The following KIAA1671 variants were observed in gnomAD, a reference collection of about 807,000 sequenced individuals.
KIAA1671 encodes the protein KIAA1671.
Under a neutral mutation model 131.2 loss-of-function variants are expected in KIAA1671, and 52 were observed. The observed-to-expected ratio is 0.40, with a 90% CI of 0.32 to 0.50. The LOEUF (loss-of-function observed/expected upper bound fraction) is 0.50. Among genes scored for constraint, KIAA1671 ranks in the 20% least tolerant of loss-of-function variants. The pLI, the probability that KIAA1671 is intolerant of heterozygous loss-of-function variation, is 0.73. For synonymous variants in KIAA1671, 1,003 were observed against 961.6 expected (o/e 1.04, Z -0.80); for missense variants, 2,360 against 2,364.2 (o/e 1.00, Z 0.04).
rs1926049795 is a variant in KIAA1671 at position 25,028,082 on chromosome 22, T to C, written c.83T>C (p.Leu28Pro). ...GLGEMGKEETLTRTYFLQAGE... is the reference protein window; with the variant it reads ...GLGEMGKEETPTRTYFLQAGE... ...GGTGAGATGGGCAAGGAGGAGACCC[T>C]GACGAGGACCTACTTCCTCCAGGCC... Residue 28 changes from leucine to proline, a missense_variant, in exon 3 of 13, where the codon CTG becomes CCG. Leu to Pro is a moderately conservative substitution (Grantham distance 98). Around this residue, in one of 3 missense-constraint regions of KIAA1671, gnomAD observed 1,185 missense variants for 1,126.2 expected, o/e 1.05. Transcript: ENST00000358431. 5.2e-6 allele frequency: 8 copies of C among 1,550,874 alleles called. No individual in the cohort carries two copies. The highest frequency in any genetic ancestry group is 2.0e-5 in the Admixed American group (1 of 50,884).
intron 6 of KIAA1671, chr22:25,055,803 G>A (rs994543708): frequency 8.9e-6 from 1 of 112,482 alleles, no homozygotes; most frequent in Non-Finnish European, 1.9e-5. Flanking sequence ...GATATAGATA[G>A]ATATAGATAT....
chr22:25,084,247 C>T (rs983896571), intron 6 of KIAA1671, among the ~76,000 whole-genome samples: 15 of 152,028 alleles, frequency 9.9e-5, no homozygotes, highest in African/African-American at 1.2e-4. Flanking sequence ...GAGGCCGAGG[C>T]GGGCGGATCA....
At chr22:25,142,754 C>T (rs577373057) in intron 6 of KIAA1671, among the ~76,000 whole-genome samples, 4 of 152,176 alleles carry the variant, frequency 2.6e-5, no homozygotes, top group African/African-American at 4.8e-5. Context: ...CTTCTGTAGT[C>T]GCTACTTGGG....
chr22:24,961,885 G>C (rs1466189069), intron 1 of KIAA1671, among the ~76,000 whole-genome samples: 1 of 152,184 alleles, frequency 6.6e-6, no homozygotes, highest in African/African-American at 2.4e-5. Flanking sequence ...GATTTGTGTG[G>C]GACAAGTGGT....
intron 6 of KIAA1671, among the ~76,000 whole-genome samples, chr22:25,065,641 A>G (rs750610651): frequency 4.9e-4 from 74 of 151,000 alleles, no homozygotes; most frequent in Admixed American, 1.2e-3. Flanking sequence ...TATTATTATT[A>G]TTATTATTTT....
intron 6 of KIAA1671, among the ~76,000 whole-genome samples, chr22:25,169,286 G>T (rs1300983944): frequency 6.6e-6 from 1 of 152,012 alleles, no homozygotes; most frequent in Non-Finnish European, 1.5e-5. Context: ...GGGTGTGGTA[G>T]TGTATACCTA....
intron 1 of KIAA1671, chr22:25,009,819 T>C (rs1569205121): frequency 6.6e-6 from 1 of 152,252 alleles, no homozygotes; most frequent in Non-Finnish European, 1.5e-5. Flanking sequence ...CCTGACCTTG[T>C]GATCCGCCCT....
intron 1 of KIAA1671, among the ~76,000 whole-genome samples, chr22:25,019,687 A>G (rs1381261086): frequency 1.7e-4 from 24 of 143,946 alleles, no homozygotes; most frequent in African/African-American, 5.9e-4. Flanking sequence ...TTGAATACAA[A>G]AAAAAAAAAA....
chr22:25,149,842 C>T (rs1488020940), intron 6 of KIAA1671, among the ~76,000 whole-genome samples: 1 of 152,176 alleles, frequency 6.6e-6, no homozygotes, highest in Admixed American at 6.5e-5. Flanking sequence ...GCCCTAACTG[C>T]TCTTTCCCTT....
At chr22:25,033,283 T>A (rs1926390544) in intron 4 of KIAA1671, among the ~76,000 whole-genome samples, 1 of 151,972 alleles carries the variant, frequency 6.6e-6, no homozygotes, top group Non-Finnish European at 1.5e-5. Context: ...ATAGTTCTAG[T>A]TAAGGCTGAG....
chr22:25,080,469 G>A (rs1330470124), intron 6 of KIAA1671, among the ~76,000 whole-genome samples: 1 of 152,156 alleles, frequency 6.6e-6, no homozygotes, highest in Non-Finnish European at 1.5e-5. Context: ...CCACTAGAGG[G>A]TTTGAGAATT....
At chr22:25,185,799 G>A (rs1300839451) in intron 11 of KIAA1671, 2 of 152,254 alleles carry the variant, frequency 1.3e-5, no homozygotes, top group African/African-American at 4.8e-5. Flanking sequence ...CAACTGTAAA[G>A]TGGGTTTTCT....
At position 24,952,927 on chromosome 22, in the gene KIAA1671, A is replaced by G. The variant is rs1921486499; in HGVS notation, c.-208+155A>G. On this transcript the variant is annotated intron_variant, in intron 1 of 12. Transcript: ENST00000358431. The surrounding 1 kb of genome is among the most constrained non-coding windows in gnomAD (Gnocchi z 4.5). ...AAAAGTTGGCAAAGTTGGCCGGGGA[A>G]GAGGCGGGGAGCCGGAGGATTTCCC... Among the ~76,000 whole-genome samples, 1 of 152,146 alleles carries G rather than the reference A, an allele frequency of 6.6e-6. No individual in the cohort carries two copies. Among genetic ancestry groups the G allele is most frequent in the Non-Finnish European group, 1.5e-5 (1 of 68,004 alleles).
intron 6 of KIAA1671, chr22:25,052,670 GCACAGTGCCTGACAC>G (rs1166499798): frequency 1.3e-5 from 2 of 151,884 alleles, no homozygotes; most frequent in African/African-American, 4.8e-5. Context: ...AAAGCTCTTA[GCACAGTGCCTGACAC>G]CGAGAAATGG....
intron 6 of KIAA1671, among the ~76,000 whole-genome samples, chr22:25,087,114 T>C (rs1456434395): frequency 6.6e-6 from 1 of 151,922 alleles, no homozygotes; most frequent in Non-Finnish European, 1.5e-5. Context: ...TTCTCATCTG[T>C]AAAATGGGCA....
intron 1 of KIAA1671, among the ~76,000 whole-genome samples, chr22:24,964,785 GAGA>G (rs778807780): frequency 2.0e-5 from 3 of 152,086 alleles, no homozygotes; most frequent in Admixed American, 6.6e-5. Context: ...CTGAGTTTTG[GAGA>G]AGGAGTCACT....
intron 1 of KIAA1671, among the ~76,000 whole-genome samples, chr22:24,990,063 A>G (rs1331243147): frequency 2.6e-5 from 4 of 152,210 alleles, no homozygotes; most frequent in Non-Finnish European, 2.9e-5. Context: ...GGGAAGCACA[A>G]TGAAATTTTG....
At chr22:24,958,232 A>G (rs1383224469) in intron 1 of KIAA1671, among the ~76,000 whole-genome samples, 3 of 152,074 alleles carry the variant, frequency 2.0e-5, no homozygotes, top group African/African-American at 7.2e-5. Context: ...TTTAAGAAGA[A>G]GCTAAGGCCA....
chr22:25,078,402 G>A (rs1277536431), intron 6 of KIAA1671, among the ~76,000 whole-genome samples: 2 of 152,112 alleles, frequency 1.3e-5, no homozygotes, highest in African/African-American at 2.4e-5. Context: ...AATGGTGTAC[G>A]CCTATAATCT....
Sources: gnomAD v4.1 joint callset for allele counts (sites outside exome capture counted in the v4.1 genomes callset) on GRCh38, gnomAD v4.1.1 for gene constraint, gnomAD v4.1.1 regional missense constraint, Gnocchi (gnomAD v3.1) non-coding constraint, MANE v1.5 for transcripts, NCBI Gene and HGNC (gene_info 2026-07-23, HGNC 2026-07-21) for gene names.